The following MARCHF1 variants were observed in gnomAD, a reference collection of about 807,000 sequenced individuals.
MARCHF1 encodes E3 ubiquitin-protein ligase MARCHF1.
Under a neutral mutation model 54.2 loss-of-function variants are expected in MARCHF1, and 40 were observed. The ratio of observed to expected loss-of-function variants is 0.74; its 90% CI spans 0.57 to 0.96. MARCHF1 has a LOEUF of 0.96. Among genes scored for constraint, MARCHF1 ranks in the 40% least tolerant of loss-of-function variants. MARCHF1 has a pLI of 0.00. For missense variants in MARCHF1, 586 were observed against 656.5 expected (o/e 0.89, Z 1.17); for synonymous variants, 236 against 236.3 (o/e 1.00, Z 0.01).
At chr4:163,992,307 A>G (rs982934181) in intron 2 of MARCHF1, among the ~76,000 whole-genome samples, 3 of 152,114 alleles carry the variant, frequency 2.0e-5, no homozygotes. Context: ...TAATATCTGT[A>G]ATCAAAGAGT....
In MARCHF1 at chr4:164,197,235, G is replaced by A. The variant is rs1455460499; in HGVS notation, c.-322-85573C>T. 3 of 1,610,514 alleles carry A rather than the reference G, an allele frequency of 1.9e-6. No homozygotes were observed. In the East Asian group the frequency reaches 6.7e-5, roughly 36 times the overall value. ...CCTCCTCGTCATCCAGGCCCTCCAC[G>A]TGGTCCTCAATATCTGAGTAAGGGG... On this transcript the variant is annotated intron_variant, in intron 1 of 9. Transcript: ENST00000514618.
At chr4:163,623,268 G>T (rs1368861891) in intron 5 of MARCHF1, among the ~76,000 whole-genome samples, 1 of 152,134 alleles carries the variant, frequency 6.6e-6, no homozygotes, top group Non-Finnish European at 1.5e-5. Flanking sequence ...CAAAGGAGGT[G>T]AGGATCCATT....
At chr4:164,188,313 C>A in intron 1 of MARCHF1, 1 of 352,356 alleles carries the variant, frequency 2.8e-6, no homozygotes, top group South Asian at 3.0e-5. Context: ...AACCGCGCTG[C>A]GCTCCTGTGC....
intron 4 of MARCHF1, among the ~76,000 whole-genome samples, chr4:163,813,363 T>G (rs1346966184): frequency 6.6e-6 from 1 of 152,212 alleles, no homozygotes; most frequent in Non-Finnish European, 1.5e-5. Flanking sequence ...TCTGCCAAAC[T>G]ATTTTATTAT....
At chr4:163,886,334 TAG>T (rs1163347690) in intron 3 of MARCHF1, among the ~76,000 whole-genome samples, 1 of 146,340 alleles carries the variant, frequency 6.8e-6, no homozygotes, top group Non-Finnish European at 1.5e-5. Context: ...GATAGATAGA[TAG>T]ATAGATAGAT....
intron 4 of MARCHF1, among the ~76,000 whole-genome samples, chr4:163,790,612 A>G (rs2110937281): frequency 6.6e-6 from 1 of 152,300 alleles, no homozygotes; most frequent in South Asian, 2.1e-4. Flanking sequence ...CTTAGAAAAT[A>G]GATCAAGAGA....
intron 4 of MARCHF1, among the ~76,000 whole-genome samples, chr4:163,833,798 A>G (rs1749099249): frequency 6.6e-6 from 1 of 152,174 alleles, no homozygotes; most frequent in African/African-American, 2.4e-5. Flanking sequence ...AGAGATCACA[A>G]TGGAAATGGG....
At chr4:164,319,462 T>G (rs1735081356) in intron 1 of MARCHF1, among the ~76,000 whole-genome samples, 1 of 152,162 alleles carries the variant, frequency 6.6e-6, no homozygotes, top group Non-Finnish European at 1.5e-5. Flanking sequence ...TTTACCTGAC[T>G]AATTCACCCC....
Position 163,638,011 on chromosome 4 carries a change from A to G in MARCHF1, c.163-24618T>C, listed in dbSNP as rs2111021797. Among the ~76,000 whole-genome samples, 3 of 148,256 alleles carry G rather than the reference A, an allele frequency of 2.0e-5. No individual in the cohort carries two copies. In the Admixed American group the frequency reaches 2.1e-4, roughly 10 times the overall value. Reference sequence around the variant, plus strand: ...GCAAGAACAAAAAACCAAACACCGCATTTTCTCACTCATAGGTGGGAATTG... The same window carrying G: ...GCAAGAACAAAAAACCAAACACCGCGTTTTCTCACTCATAGGTGGGAATTG... On this transcript the variant is annotated intron_variant, in intron 5 of 9. Coordinates refer to ENST00000514618, the MANE Select transcript of MARCHF1 (RefSeq NM_001394959.1).
At chr4:163,940,272 TAAGAA>T (rs766637434) in intron 3 of MARCHF1, among the ~76,000 whole-genome samples, 30 of 152,132 alleles carry the variant, frequency 2.0e-4, no homozygotes, top group Non-Finnish European at 4.3e-4. Context: ...TGCAAATGAC[TAAGAA>T]AAGGAGTTCA....
At chr4:163,819,290 T>C (rs1204255454) in intron 4 of MARCHF1, among the ~76,000 whole-genome samples, 2 of 152,126 alleles carry the variant, frequency 1.3e-5, no homozygotes, top group Admixed American at 1.3e-4. Flanking sequence ...TGACTATCCA[T>C]GGGCTTTAAC....
intron 3 of MARCHF1, among the ~76,000 whole-genome samples, chr4:163,935,870 C>T (rs1471961673): frequency 6.6e-6 from 1 of 152,084 alleles, no homozygotes; most frequent in Non-Finnish European, 1.5e-5. Flanking sequence ...TTTACATTTG[C>T]ATTCACAACT....
intron 4 of MARCHF1, among the ~76,000 whole-genome samples, chr4:163,786,520 A>ATGTT (rs1273602462): frequency 6.6e-6 from 1 of 152,046 alleles, no homozygotes; most frequent in Non-Finnish European, 1.5e-5. Context: ...ATTGGCAGTA[A>ATGTT]TAAGACATTA....
chr4:164,276,159 C>T (rs1733875533), intron 1 of MARCHF1, among the ~76,000 whole-genome samples: 3 of 152,094 alleles, frequency 2.0e-5, no homozygotes, highest in Admixed American at 1.3e-4. Context: ...TCTGTTCCTC[C>T]TCCAAAATGG....
At chr4:164,303,599 C>A (rs774335226) in intron 1 of MARCHF1, among the ~76,000 whole-genome samples, 3 of 152,176 alleles carry the variant, frequency 2.0e-5, no homozygotes, top group Non-Finnish European at 2.9e-5. Flanking sequence ...AATTACCATT[C>A]ATTTCTATAT....
intron 1 of MARCHF1, among the ~76,000 whole-genome samples, chr4:164,366,696 AATTTT>A (rs1467915608): frequency 6.6e-6 from 1 of 151,952 alleles, no homozygotes; most frequent in East Asian, 1.9e-4. Context: ...TTAGCTATAT[AATTTT>A]ATTTATTGTA....
chr4:163,535,272 C>A (rs1214567731), intron 9 of MARCHF1, among the ~76,000 whole-genome samples: 1 of 151,970 alleles, frequency 6.6e-6, no homozygotes. Context: ...CAGGCTGATA[C>A]AATACAAATT....
At chr4:163,593,299 A>C (rs1740652442) in intron 7 of MARCHF1, among the ~76,000 whole-genome samples, 1 of 152,198 alleles carries the variant, frequency 6.6e-6, no homozygotes, top group Admixed American at 6.6e-5. Context: ...TAAACTAGAG[A>C]TATTTCTAAG....
intron 1 of MARCHF1, among the ~76,000 whole-genome samples, chr4:164,363,867 G>C (rs1730799467): frequency 6.6e-6 from 1 of 151,756 alleles, no homozygotes; most frequent in South Asian, 2.1e-4. Flanking sequence ...GGGTCTTCTG[G>C]TGTTATCAGC....
Sources: gnomAD v4.1 joint callset for allele counts (sites outside exome capture counted in the v4.1 genomes callset) on GRCh38, gnomAD v4.1.1 for gene constraint, MANE v1.5 for transcripts, NCBI Gene and HGNC (gene_info 2026-07-23, HGNC 2026-07-21) for gene names.